Variants in USH2A observed in about 807,000 individuals in gnomAD.
The protein encoded by USH2A is usherin.
USH2A carries 443 observed loss-of-function variants against 538.9 expected under a neutral mutation model. The observed-to-expected ratio is 0.82, with a 90% CI of 0.76 to 0.89. The LOEUF is 0.89. USH2A is among the 40% of genes least tolerant of loss of function. The pLI, the probability that USH2A is intolerant of heterozygous loss-of-function variation, is 0.00. For missense variants in USH2A, 6,633 were observed against 6,324.8 expected, an observed-to-expected ratio of 1.05 and a Z score of -1.65; for synonymous variants, 2,413 against 2,273.5, an observed-to-expected ratio of 1.06 and a Z score of -1.75.
At chr1:216,209,221 C>A (rs1311011002) in intron 15 of USH2A, among the ~76,000 whole-genome samples, 1 of 152,176 alleles carries the variant, frequency 6.6e-6, no homozygotes, top group South Asian at 2.1e-4. Context: ...CATCACCTGA[C>A]AGGAGCTATG....
chr1:215,739,322 A>C (rs1287174650), intron 60 of USH2A, among the ~76,000 whole-genome samples: 1 of 152,194 alleles, frequency 6.6e-6, no homozygotes, highest in Non-Finnish European at 1.5e-5. Flanking sequence ...GATGCCATCA[A>C]ATGCTGTCAA....
chr1:215,758,827 A>G (rs1246411939), intron 57 of USH2A, 75 bp from the exon 58 acceptor site: 1 of 1,506,518 alleles, frequency 6.6e-7, no homozygotes. Flanking sequence ...TAGTTTTTGT[A>G]TCAATTGCTT....
chr1:215,879,423 A>G (rs1339027782), intron 41 of USH2A, among the ~76,000 whole-genome samples: 2 of 152,224 alleles, frequency 1.3e-5, no homozygotes, highest in Non-Finnish European at 2.9e-5. Context: ...AAATTCACAC[A>G]TCCACATGCT....
At chr1:215,980,770 T>C (rs1667733627) in intron 35 of USH2A, among the ~76,000 whole-genome samples, 1 of 152,188 alleles carries the variant, frequency 6.6e-6, no homozygotes, top group African/African-American at 2.4e-5. Context: ...GTTCTATACA[T>C]GTTTTTGAGA....
chr1:215,629,931 A>G (rs1221999558), intron 70 of USH2A: 3 of 328,578 alleles, frequency 9.1e-6, no homozygotes, highest in South Asian at 4.9e-5. Context: ...GCCCGCCACC[A>G]TGCCCGGCTA....
At position 216,217,351 on chromosome 1, in the gene USH2A, GC is replaced by G. The variant is rs750941945; in HGVS notation, c.3157+35del. ...GAGATGCAGTCCCCTGTATGATGCT[GC>G]TTCACACACCAGCACTGAACCAGAG... On this transcript the variant is annotated intron_variant, in intron 15 of 71. Coordinates refer to ENST00000307340, the MANE Select transcript of USH2A (RefSeq NM_206933.4). The G allele has an allele frequency of 2.5e-6, 4 of 1,611,052 alleles. No individual in the cohort carries two copies. In the East Asian group the frequency reaches 9.0e-5, roughly 36 times the overall value.
chr1:216,395,619 C>T (rs1243411901), intron 3 of USH2A, among the ~76,000 whole-genome samples: 5 of 152,238 alleles, frequency 3.3e-5, no homozygotes, highest in African/African-American at 9.6e-5. Context: ...AAGGAAATGA[C>T]ATCGCCAAGG....
chr1:215,625,779 CT>C lies in USH2A; in HGVS notation c.*1del, dbSNP rs1211111662. On this transcript the variant is annotated 3_prime_UTR_variant, in exon 72 of 72. Transcript: ENST00000307340. ...GGGTTACGTCTTCTGGGTTTCCATCCTTTACAGGTGGGTGTCTGTGAATGTG... is the reference window on the plus strand; with the variant it reads ...GGGTTACGTCTTCTGGGTTTCCATCCTTACAGGTGGGTGTCTGTGAATGTG... The C allele has an allele frequency of 2.5e-6, 4 of 1,613,908 alleles. No homozygotes were observed. The African/African-American group carries it at 5.3e-5, about 22-fold the overall frequency.
chr1:216,222,799 A>G (rs1311649377), intron 14 of USH2A, among the ~76,000 whole-genome samples: 1 of 152,062 alleles, frequency 6.6e-6, no homozygotes, highest in Non-Finnish European at 1.5e-5. Flanking sequence ...ACCAACATGG[A>G]GAAACCCTGT....
chr1:216,395,068 T>C (rs1397651619), intron 3 of USH2A, among the ~76,000 whole-genome samples: 1 of 152,008 alleles, frequency 6.6e-6, no homozygotes, highest in East Asian at 1.9e-4. Context: ...CCAATCACTA[T>C]GCCACTCCAA....
chr1:215,695,614 G>C (rs948025503), intron 61 of USH2A, among the ~76,000 whole-genome samples: 1 of 152,180 alleles, frequency 6.6e-6, no homozygotes, highest in African/African-American at 2.4e-5. Context: ...GGTTTTGTAA[G>C]GAAGAGAAAA....
rs1278838404 is a variant in USH2A, at chr1:215,674,921, G to T, written c.12990C>A (p.Ser4330Arg). 3 of 1,614,158 alleles carry T rather than the reference G, an allele frequency of 1.9e-6. No homozygotes were observed. Among genetic ancestry groups the T allele is most frequent in the Non-Finnish European group, 2.5e-6 (3 of 1,180,022 alleles). Residue 4330 changes from serine to arginine, a missense_variant, in exon 63 of 72, where the codon AGC becomes AGA. Physicochemically the swap from Ser to Arg is moderately radical, Grantham distance 110. Coordinates refer to ENST00000307340, the MANE Select transcript of USH2A (RefSeq NM_206933.4). ...DEELLPFSTY[S>R]YALQACTSGG... ...CACTCGTGCAGGCTTGGAGTGCATA[G>T]CTATAGGTGGAAAAAGGAAGAAGCT...
intron 61 of USH2A, among the ~76,000 whole-genome samples, chr1:215,723,095 C>A (rs1472871793): frequency 6.6e-6 from 1 of 152,088 alleles, no homozygotes; most frequent in Non-Finnish European, 1.5e-5. Flanking sequence ...GAGTTTAAGG[C>A]CTTCTAATTA....
chr1:215,801,029 AAAAG>A (rs955542955), intron 49 of USH2A, among the ~76,000 whole-genome samples: 8 of 152,306 alleles, frequency 5.3e-5, no homozygotes, highest in Non-Finnish European at 8.8e-5. Flanking sequence ...AAGGGGAAAA[AAAAG>A]AAACACATGA....
At chr1:216,372,871 C>A (rs940814736) in intron 3 of USH2A, among the ~76,000 whole-genome samples, 1 of 152,074 alleles carries the variant, frequency 6.6e-6, no homozygotes, top group African/African-American at 2.4e-5. Context: ...ATCATTGTGC[C>A]TTTTTCTATT....
At chr1:215,656,782 C>G (rs925704043) in intron 64 of USH2A, among the ~76,000 whole-genome samples, 1 of 152,170 alleles carries the variant, frequency 6.6e-6, no homozygotes, top group South Asian at 2.1e-4. Flanking sequence ...AGCATTTCAA[C>G]AATTCTGAGG....
chr1:215,746,054 T>A, intron 58 of USH2A, among the ~76,000 whole-genome samples: 1 of 143,066 alleles, frequency 7.0e-6, no homozygotes, highest in Admixed American at 7.0e-5. Flanking sequence ...CCGTAGGTCC[T>A]CGAATAATGT....
intron 21 of USH2A, among the ~76,000 whole-genome samples, chr1:216,124,197 A>T (rs1290884616): frequency 6.6e-6 from 1 of 152,190 alleles, no homozygotes; most frequent in Non-Finnish European, 1.5e-5. Context: ...GGAAAGAAAC[A>T]TGACTTGAAC....
intron 38 of USH2A, among the ~76,000 whole-genome samples, chr1:215,934,039 C>T (rs1270604453): frequency 6.6e-6 from 1 of 151,878 alleles, no homozygotes; most frequent in Non-Finnish European, 1.5e-5. Flanking sequence ...TAAAAATATG[C>T]AGACTGTATC....
Sources: allele counts gnomAD v4.1 joint callset (sites outside exome capture counted in the v4.1 genomes callset), GRCh38; gene constraint gnomAD v4.1.1; transcripts MANE v1.5; gene names NCBI Gene and HGNC (gene_info 2026-07-23, HGNC 2026-07-21).